Variants in PLEKHA1 observed in about 807,000 individuals in gnomAD.
The protein encoded by PLEKHA1 is pleckstrin homology domain-containing family A member 1.
A neutral mutation model predicts 52.0 loss-of-function variants in PLEKHA1; 34 were observed. The observed-to-expected ratio is 0.65, with a 90% CI of 0.50 to 0.87. PLEKHA1 has a LOEUF of 0.87. Among genes scored for constraint, PLEKHA1 ranks in the 40% least tolerant of loss-of-function variants. The probability of loss-of-function intolerance (pLI) is 0.00; values close to 1 mark genes in which losing one functional copy is unlikely to be tolerated. For missense variants in PLEKHA1, 497 were observed against 504.2 expected, an observed-to-expected ratio of 0.99 and a Z score of 0.14; for synonymous variants, 163 against 170.7, an observed-to-expected ratio of 0.95 and a Z score of 0.35.
At chr10:122,438,867 C>T in the PLEKHA1 span, 3 of 56,700 alleles carry the variant, frequency 5.3e-5, no homozygotes, top group African/African-American at 1.3e-4. Flanking sequence ...AGCTGATGAG[C>T]TAAAAAAAAA....
the PLEKHA1 span, chr10:122,441,493 C>T: frequency 6.5e-6 from 1 of 152,740 alleles, no homozygotes; most frequent in Non-Finnish European, 1.5e-5. Flanking sequence ...GTTTGAGATC[C>T]TCTGCCCTAA....
chr10:122,392,940 T>G (rs766653583), intron 1 of PLEKHA1, among the ~76,000 whole-genome samples: 11 of 152,166 alleles, frequency 7.2e-5, no homozygotes, highest in Non-Finnish European at 1.5e-4. Context: ...ATTATTCAGC[T>G]GAGGTGAGTA....
chr10:122,404,605 A>G (rs1336845438), intron 4 of PLEKHA1, among the ~76,000 whole-genome samples: 1 of 152,262 alleles, frequency 6.6e-6, no homozygotes, highest in African/African-American at 2.4e-5. Flanking sequence ...AATTAAAAAC[A>G]AGTTATTTAT....
intron 4 of PLEKHA1, among the ~76,000 whole-genome samples, chr10:122,405,607 G>A (rs1427037220): frequency 6.6e-6 from 1 of 151,210 alleles, no homozygotes; most frequent in Non-Finnish European, 1.5e-5. Context: ...CAAACCTAAG[G>A]GATTTGTTAT....
intron 1 of PLEKHA1, 190 bp downstream of exon 1, chr10:122,374,996 C>CCGCGCCA (rs920147143): frequency 3.3e-5 from 5 of 151,962 alleles, no homozygotes; most frequent in Non-Finnish European, 5.9e-5. Flanking sequence ...CTGCGCACGT[C>CCGCGCCA]CGCGCCACGC....
chr10:122,385,379 G>A (rs1214404804), intron 1 of PLEKHA1, among the ~76,000 whole-genome samples: 2 of 142,650 alleles, frequency 1.4e-5, no homozygotes, highest in African/African-American at 2.7e-5. Flanking sequence ...GTGCAGTGGC[G>A]TGATCTAGGC....
At chr10:122,417,869 C>G (rs1412209501) in intron 7 of PLEKHA1, 31 bp from the exon 8 acceptor site, 1 of 1,547,298 alleles carries the variant, frequency 6.5e-7, no homozygotes. Flanking sequence ...CTTAGAAACA[C>G]AAGTCTTATG....
Position 122,431,094 on chromosome 10 carries a change from G to A in PLEKHA1, c.*1156G>A, listed in dbSNP as rs550334261. ...CTCTAAAGAATCTTTAGTTTCCGACGTTGAATTATAGACCAGTTTGAGTAA... is the reference window on the plus strand; with the variant it reads ...CTCTAAAGAATCTTTAGTTTCCGACATTGAATTATAGACCAGTTTGAGTAA... On this transcript the variant is annotated 3_prime_UTR_variant, in exon 12 of 12. Coordinates refer to ENST00000368990, the MANE Select transcript of PLEKHA1 (RefSeq NM_001001974.4). The A allele has an allele frequency of 2.0e-5, 3 of 151,650 alleles. No individual in the cohort carries two copies. Among genetic ancestry groups the A allele is most frequent in the Admixed American group, 6.6e-5 (1 of 15,124 alleles). The allele number at this position is 151,650 out of a possible 1,614,324, so 9.4% of individuals were successfully genotyped here.
chr10:122,408,972 A>G lies in PLEKHA1; in HGVS notation c.342+2299A>G, dbSNP rs192246188. Among the ~76,000 whole-genome samples the G allele has an allele frequency of 7.9e-5, 12 of 152,304 alleles. No individual in the cohort carries two copies. The East Asian group carries it at 2.3e-3, about 29-fold the overall frequency. On this transcript the variant is annotated intron_variant, in intron 5 of 11. Transcript: ENST00000368990. ...ATAAATTTTAAAATTTTGGAAATCC[A>G]AAATTAGAGTTTGGAAGTGTGTGGT...
At chr10:122,416,431 T>A (rs1249088114) in intron 7 of PLEKHA1, among the ~76,000 whole-genome samples, 2 of 152,224 alleles carry the variant, frequency 1.3e-5, no homozygotes, top group Non-Finnish European at 2.9e-5. Context: ...CTCTCTGACC[T>A]TGGGCTACTT....
intron 5 of PLEKHA1, among the ~76,000 whole-genome samples, chr10:122,410,029 C>T (rs2097085449): frequency 6.6e-6 from 1 of 152,078 alleles, no homozygotes; most frequent in Non-Finnish European, 1.5e-5. Flanking sequence ...GTGATCCGCC[C>T]AGCTTGGCCT....
chr10:122,407,350 TATTG>T (rs1207294725), intron 5 of PLEKHA1, among the ~76,000 whole-genome samples: 2 of 152,186 alleles, frequency 1.3e-5, no homozygotes, highest in Non-Finnish European at 2.9e-5. Flanking sequence ...GATGAATATT[TATTG>T]ATTATTAACA....
chr10:122,424,957 C>G lies in PLEKHA1; in HGVS notation c.808C>G (p.Gln270Glu), dbSNP rs2097316320. Residue 270 changes from glutamine to glutamate, a missense_variant and splice_region_variant, in exon 10 of 12, where the codon CAG (glutamine) becomes GAG (glutamate). Coordinates refer to ENST00000368990, the MANE Select transcript of PLEKHA1 (RefSeq NM_001001974.4). The stretch of plus-strand genomic sequence containing the variant: ...AACAACGTCTCGAACTTTCTATGTG[C>G]AGGTAAGATGCTTATTTGGCAATTA... ...IVTTSRTFYV[Q>E]ADSPEEMHSW... The G allele has an allele frequency of 6.2e-7, 1 of 1,604,450 alleles. No homozygotes were observed. The highest frequency in any genetic ancestry group is 8.5e-7 in the Non-Finnish European group (1 of 1,174,880).
intron 1 of PLEKHA1, chr10:122,386,742 G>A (rs2096705247): frequency 6.6e-6 from 1 of 152,124 alleles, no homozygotes; most frequent in African/African-American, 2.4e-5. Context: ...AAAATTAACT[G>A]TTCTCTCTTC....
At chr10:122,429,494 TTGTGTGTGTGTGTGTGTGTG>T (rs35620141) in intron 11 of PLEKHA1, 110 bp from the exon 12 acceptor site, 10 of 655,966 alleles carry the variant, frequency 1.5e-5, no homozygotes, top group Admixed American at 9.2e-5. Flanking sequence ...GCTGCTGCCT[TTGTGTGTGTGTGTGTGTGTG>T]TGTGTGTGTG....
chr10:122,424,766 T>C, intron 9 of PLEKHA1, 130 bp from the exon 10 acceptor site: 1 of 541,672 alleles, frequency 1.8e-6, no homozygotes, highest in South Asian at 4.6e-5. Flanking sequence ...TGGGAAAAGA[T>C]AATTTGGGTT....
chr10:122,424,820 G>A (rs1216079339), intron 9 of PLEKHA1, 76 bp from the exon 10 acceptor site: 1 of 1,173,980 alleles, frequency 8.5e-7, no homozygotes, highest in Non-Finnish European at 1.2e-6. Context: ...GACGCATACT[G>A]GGTACTGGGT....
chr10:122,416,641 A>G (rs1005436292), intron 7 of PLEKHA1, among the ~76,000 whole-genome samples: 2 of 152,116 alleles, frequency 1.3e-5, no homozygotes, highest in Non-Finnish European at 2.9e-5. Context: ...TCCATGATGA[A>G]TTTTTTGCAA....
In PLEKHA1 at chr10:122,429,933, G is replaced by T. The variant is rs751335255; in HGVS notation, c.1210G>T (p.Val404Leu). The change falls in exon 12 of 12, where the codon GTG (valine) becomes TTG (leucine). Residue 404 changes from valine to leucine, a missense_variant. Coordinates refer to ENST00000368990, the MANE Select transcript of PLEKHA1 (RefSeq NM_001001974.4). ...LDDASLPVSD[V>L] ...CGATGCGAGCCTTCCGGTCAGTGAC[G>T]TGTGAGGCAGAAGCGCACGGAGCCT... The T allele has an allele frequency of 3.7e-6, 6 of 1,610,646 alleles. No homozygotes were observed. In the South Asian group the frequency reaches 5.5e-5, roughly 15 times the overall value.
Sources: gnomAD v4.1 joint callset for allele counts (sites outside exome capture counted in the v4.1 genomes callset) on GRCh38, gnomAD v4.1.1 for gene constraint, MANE v1.5 for transcripts, NCBI Gene and HGNC (gene_info 2026-07-23, HGNC 2026-07-21) for gene names.